The following PABPC4L variants were observed in gnomAD, a reference collection of about 807,000 sequenced individuals.
PABPC4L encodes poly(A) binding protein cytoplasmic 4 like, also known as polyadenylate-binding protein 4-like.
For missense variants in PABPC4L, 452 were observed against 451.4 expected, an observed-to-expected ratio of 1.00 and a Z score of -0.01; for synonymous variants, 169 against 164.1, an observed-to-expected ratio of 1.03 and a Z score of -0.23.
At chr4:133,983,240 C>A in the PABPC4L span, among the ~76,000 whole-genome samples, 1 of 151,986 alleles carries the variant, frequency 6.6e-6, no homozygotes, top group Admixed American at 6.6e-5. Context: ...AAGTTACCTT[C>A]AGTAAGTAAC....
At chr4:134,079,653 GTGTCTGTGTGTGTA>G in the PABPC4L span, among the ~76,000 whole-genome samples, 1 of 148,948 alleles carries the variant, frequency 6.7e-6, no homozygotes, top group South Asian at 2.1e-4. Context: ...ACAAGGATGT[GTGTCTGTGTGTGTA>G]TGTCTGTGTG....
chr4:134,037,007 G>T, the PABPC4L span, among the ~76,000 whole-genome samples: 3 of 150,352 alleles, frequency 2.0e-5, no homozygotes, highest in Admixed American at 6.7e-5. Context: ...AGTGAGCTGA[G>T]ATCATGCCAT....
the PABPC4L span, among the ~76,000 whole-genome samples, chr4:133,986,096 T>C: frequency 1.3e-5 from 2 of 152,126 alleles, no homozygotes; most frequent in Non-Finnish European, 2.9e-5. Flanking sequence ...TTAATTGTAT[T>C]ACCATAGAAA....
At chr4:134,147,559 A>G in the PABPC4L span, among the ~76,000 whole-genome samples, 1 of 152,164 alleles carries the variant, frequency 6.6e-6, no homozygotes, top group Admixed American at 6.6e-5. Flanking sequence ...CTTATAAACC[A>G]CACATTCATT....
downstream of PABPC4L, among the ~76,000 whole-genome samples, chr4:134,194,357 C>A (rs1270785480): frequency 1.3e-5 from 2 of 151,650 alleles, no homozygotes; most frequent in African/African-American, 4.8e-5. Context: ...TGGGAAGTTT[C>A]ATTCTACAGC....
the PABPC4L span, among the ~76,000 whole-genome samples, chr4:134,084,501 T>A: frequency 9.1e-3 from 1,385 of 151,924 alleles, 10 homozygotes; most frequent in Non-Finnish European, 0.014. Flanking sequence ...GATTTTTTTT[T>A]AAAAAAAAGA....
chr4:133,998,783 C>A, the PABPC4L span, among the ~76,000 whole-genome samples: 11 of 151,554 alleles, frequency 7.3e-5, no homozygotes, highest in African/African-American at 2.7e-4. Flanking sequence ...TTTTCTTTTG[C>A]AATCATTATT....
chr4:133,998,491 C>A, the PABPC4L span, among the ~76,000 whole-genome samples: 1 of 151,916 alleles, frequency 6.6e-6, no homozygotes, highest in African/African-American at 2.4e-5. Flanking sequence ...ACAAAATACA[C>A]CTTTATAATA....
the PABPC4L span, among the ~76,000 whole-genome samples, chr4:134,172,152 A>T: frequency 6.6e-6 from 1 of 152,280 alleles, no homozygotes; most frequent in South Asian, 2.1e-4. Context: ...TTATTCACAG[A>T]ATTAGAAAAA....
chr4:134,113,102 A>C, the PABPC4L span, among the ~76,000 whole-genome samples: 2 of 152,176 alleles, frequency 1.3e-5, no homozygotes, highest in East Asian at 3.9e-4. Flanking sequence ...ATTTTCATAC[A>C]TCTGTACAGT....
At chr4:134,124,456 C>T in the PABPC4L span, among the ~76,000 whole-genome samples, 1 of 152,100 alleles carries the variant, frequency 6.6e-6, no homozygotes, top group African/African-American at 2.4e-5. Context: ...TAACACTTCT[C>T]TTTTCATAAA....
the PABPC4L span, among the ~76,000 whole-genome samples, chr4:133,960,496 GA>G: frequency 6.6e-6 from 1 of 152,194 alleles, no homozygotes; most frequent in Non-Finnish European, 1.5e-5. Context: ...GTGGCCCAAG[GA>G]AAATGCCATA....
the PABPC4L span, among the ~76,000 whole-genome samples, chr4:134,012,058 C>G: frequency 6.6e-6 from 1 of 151,996 alleles, no homozygotes; most frequent in South Asian, 2.1e-4. Flanking sequence ...GATTTTCTTT[C>G]TCTTTTGGGC....
the PABPC4L span, among the ~76,000 whole-genome samples, chr4:134,085,492 CTTAA>C: frequency 6.6e-6 from 1 of 151,990 alleles, no homozygotes; most frequent in Non-Finnish European, 1.5e-5. Context: ...GCACATCTTG[CTTAA>C]TTATCACAAA....
the PABPC4L span, among the ~76,000 whole-genome samples, chr4:134,037,411 T>C: frequency 6.6e-6 from 1 of 152,124 alleles, no homozygotes; most frequent in East Asian, 1.9e-4. Flanking sequence ...GTATTTCTAT[T>C]GTAAAAGGGA....
the PABPC4L span, among the ~76,000 whole-genome samples, chr4:133,976,551 G>A: frequency 6.6e-6 from 1 of 152,164 alleles, no homozygotes; most frequent in African/African-American, 2.4e-5. Context: ...CTTCCACAAT[G>A]TTTTAATTAA....
chr4:133,981,443 G>T, the PABPC4L span, among the ~76,000 whole-genome samples: 1 of 151,784 alleles, frequency 6.6e-6, no homozygotes, highest in Non-Finnish European at 1.5e-5. Flanking sequence ...CAATTCTATT[G>T]AAAAAAATAG....
At chr4:134,145,231 A>G in the PABPC4L span, among the ~76,000 whole-genome samples, 1 of 151,842 alleles carries the variant, frequency 6.6e-6, no homozygotes, top group Admixed American at 6.6e-5. Context: ...TCTGTTATTT[A>G]TAACAATAAA....
chr4:134,129,877 G>T, the PABPC4L span, among the ~76,000 whole-genome samples: 2 of 151,806 alleles, frequency 1.3e-5, no homozygotes, highest in Admixed American at 6.6e-5. Context: ...AGACCAGCCT[G>T]ACCAACATGG....
Sources: allele counts gnomAD v4.1 joint callset (sites outside exome capture counted in the v4.1 genomes callset), GRCh38; gene constraint gnomAD v4.1.1; transcripts MANE v1.5; gene names NCBI Gene and HGNC (gene_info 2026-07-23, HGNC 2026-07-21).